The following PCDHGA7 variants were observed in gnomAD, a reference collection of about 807,000 sequenced individuals.
PCDHGA7 encodes protocadherin gamma subfamily A, 7.
A neutral mutation model predicts 58.3 loss-of-function variants in PCDHGA7; 44 were observed. The observed-to-expected ratio is 0.75, with a 90% CI of 0.59 to 0.97. PCDHGA7 has a LOEUF of 0.97. Among genes scored for constraint, PCDHGA7 ranks in the 50% least tolerant of loss-of-function variants. The pLI is 0.00. For missense variants in PCDHGA7, 1,266 were observed against 1,188.7 expected (o/e 1.06, Z -0.96); for synonymous variants, 516 against 504.2 (o/e 1.02, Z -0.31).
At position 141,405,363 on chromosome 5, in the gene PCDHGA7, C is replaced by T. The variant is rs765508317; in HGVS notation, c.2424+20040C>T. The T allele has an allele frequency of 2.0e-5, 33 of 1,613,690 alleles. No individual in the cohort carries two copies. The highest frequency in any genetic ancestry group is 2.7e-5 in the African/African-American group (2 of 74,888). On this transcript the variant is annotated intron_variant, in intron 1 of 3. Coordinates refer to ENST00000518325, the MANE Select transcript of PCDHGA7 (RefSeq NM_018920.4). ...GATTCCAAGTTTCCTATAGAAGACACCCCTTTGGTTCCGGTGAGTTCATTT... is the reference window on the plus strand; with the variant it reads ...GATTCCAAGTTTCCTATAGAAGACATCCCTTTGGTTCCGGTGAGTTCATTT...
chr5:141,384,091 A>G lies in PCDHGA7; in HGVS notation c.1192A>G (p.Ile398Val). Residue 398 changes from isoleucine (I) to valine (V), a missense_variant, in exon 1 of 4, where the codon ATA (isoleucine) becomes GTA (valine). Coordinates refer to ENST00000518325, the MANE Select transcript of PCDHGA7 (RefSeq NM_018920.4). ...CCTACCTTTTAAATTAGAAAAATCA[A>G]TAGATAATTATTATAGATTGGTCAC... is the stretch of plus-strand genomic sequence containing the variant. ...ENLPFKLEKS[I>V]DNYYRLVTTK... 3.1e-6 allele frequency: 5 copies of G among 1,595,856 alleles called. No homozygotes were observed. The highest frequency in any genetic ancestry group is 1.1e-5 in the South Asian group (1 of 89,146).
At chr5:141,495,841 G>A (rs1187067340) in intron 2 of PCDHGA7, among the ~76,000 whole-genome samples, 1 of 151,864 alleles carries the variant, frequency 6.6e-6, no homozygotes, top group Non-Finnish European at 1.5e-5. Context: ...CAGCCTCTAT[G>A]TTTCTCTGTC....
chr5:141,421,750 C>A lies in PCDHGA7; in HGVS notation c.2424+36427C>A, dbSNP rs766529731. On this transcript the variant is annotated intron_variant, in intron 1 of 3. Coordinates refer to ENST00000518325, the MANE Select transcript of PCDHGA7 (RefSeq NM_018920.4). ...CTCCCTCCAGAGCTACCAGCTCAGC[C>A]CTAATAATTACTTTTCCTTGCAACT... 4.3e-6 allele frequency: 7 copies of A among 1,613,788 alleles called. No individual in the cohort carries two copies. Among genetic ancestry groups the A allele is most frequent in the Non-Finnish European group, 5.9e-6 (7 of 1,179,864 alleles).
chr5:141,488,196 TA>T, intron 1 of PCDHGA7, among the ~76,000 whole-genome samples: 1 of 152,186 alleles, frequency 6.6e-6, no homozygotes, highest in Non-Finnish European at 1.5e-5. Context: ...GTCTGGGTCT[TA>T]GGACTCATAT....
chr5:141,489,943 A>G lies in PCDHGA7; in HGVS notation c.2425-4864A>G. ...CCTTATCTCTGTCATCGTGCTGGAC[A>G]TCAATGATAATGCTCCAACCTTCCA... On this transcript the variant is annotated intron_variant, in intron 1 of 3. Transcript: ENST00000518325. The surrounding 1 kb of genome is among the most constrained non-coding windows in gnomAD (Gnocchi z 4.5). 5.6e-6 allele frequency: 9 copies of G among 1,614,190 alleles called. No homozygotes were observed. Among genetic ancestry groups the G allele is most frequent in the Non-Finnish European group, 7.6e-6 (9 of 1,180,016 alleles).
At chr5:141,415,177 G>A (rs758980730) in intron 1 of PCDHGA7, 26 of 1,613,808 alleles carry the variant, frequency 1.6e-5, no homozygotes, top group East Asian at 4.5e-5. Flanking sequence ...CACCGTGGCC[G>A]TGGCCGACAG....
At chr5:141,415,740 G>GTTTTTGTTTTTTTTTT (rs2095911468) in intron 1 of PCDHGA7, 1 of 515,998 alleles carries the variant, frequency 1.9e-6, no homozygotes, top group Non-Finnish European at 2.6e-6. Context: ...GTTTATTAAG[G>GTTTTTGTTTTTTTTTT]TTTTTTTTTT....
intron 2 of PCDHGA7, among the ~76,000 whole-genome samples, chr5:141,499,314 A>C (rs2099791047): frequency 6.6e-6 from 1 of 152,238 alleles, no homozygotes; most frequent in Non-Finnish European, 1.5e-5. Context: ...TCTGAGAGAC[A>C]GTATCCCTGC....
chr5:141,407,949 C>T, intron 1 of PCDHGA7: 1 of 575,256 alleles, frequency 1.7e-6, no homozygotes, highest in Non-Finnish European at 2.8e-6. Context: ...CCGCTGTCGG[C>T]CAGTGCAGAG....
chr5:141,409,566 C>G (rs750850161), intron 1 of PCDHGA7: 1 of 1,613,978 alleles, frequency 6.2e-7, no homozygotes, highest in South Asian at 1.1e-5. Flanking sequence ...TTCGACCAGA[C>G]GTCCTACGTG....
rs571588941 is a variant in PCDHGA7, at chr5:141,428,181, A to T, written c.2424+42858A>T. The T allele has an allele frequency of 1.2e-4, 181 of 1,486,230 alleles. 2 individuals carry two copies. In the South Asian group the frequency reaches 2.0e-3, roughly 16 times the overall value. The allele number at this position is 1,486,230 out of a possible 1,614,324, so 92.1% of individuals were successfully genotyped here. A position where few individuals can be genotyped will look rare whatever the true frequency, so the allele number is the denominator to read the frequency against. ...CTGGTTGCTGTGCGTGACGGAGGAC[A>T]GCCGCCGCTCTCTGCGCCGCTACGC... On this transcript the variant is annotated intron_variant, in intron 1 of 3. Coordinates refer to ENST00000518325, the MANE Select transcript of PCDHGA7 (RefSeq NM_018920.4).
Position 141,394,531 on chromosome 5 carries a change from C to T in PCDHGA7, c.2424+9208C>T, listed in dbSNP as rs1188248060. ...CCCGCCCTCCCCACAGACGGTTCCA[C>T]TGGCGTGGAGCTGGCGCCCCGCTCC... On this transcript the variant is annotated intron_variant, in intron 1 of 3. Transcript: ENST00000518325. 3 of 1,614,224 alleles carry T rather than the reference C, an allele frequency of 1.9e-6. No homozygotes were observed. In the South Asian group the frequency reaches 3.3e-5, roughly 18 times the overall value.
intron 1 of PCDHGA7, among the ~76,000 whole-genome samples, chr5:141,407,816 ATAT>A (rs1270765996): frequency 6.6e-6 from 1 of 152,228 alleles, no homozygotes; most frequent in Non-Finnish European, 1.5e-5. Context: ...ATCTACTATA[ATAT>A]TATGGTGAGA....
chr5:141,393,055 G>A (rs1225924697), intron 1 of PCDHGA7: 1 of 1,613,678 alleles, frequency 6.2e-7, no homozygotes, highest in South Asian at 1.1e-5. Flanking sequence ...AACCCGCGCA[G>A]CGGCAGCTTG....
intron 1 of PCDHGA7, among the ~76,000 whole-genome samples, chr5:141,454,796 ATTTTTTTTT>A (rs61612330): frequency 1.2e-4 from 9 of 77,408 alleles, no homozygotes; most frequent in Admixed American, 5.4e-4. Context: ...CATGGTTCTA[ATTTTTTTTT>A]TTTTTTTTTT....
intron 1 of PCDHGA7, among the ~76,000 whole-genome samples, chr5:141,481,692 G>T (rs1231630072): frequency 6.6e-6 from 1 of 152,020 alleles, no homozygotes; most frequent in African/African-American, 2.4e-5. Context: ...GGTGGCTCAC[G>T]CCTGTAATCC....
At chr5:141,386,997 C>T (rs1001565782) in intron 1 of PCDHGA7, among the ~76,000 whole-genome samples, 2 of 152,070 alleles carry the variant, frequency 1.3e-5, no homozygotes, top group African/African-American at 4.8e-5. Context: ...ATGTATTATC[C>T]CCCTGATAAC....
Position 141,491,733 on chromosome 5 carries a change from TG to T in PCDHGA7, c.2425-3069del. 6.2e-7 allele frequency: 1 copy of T among 1,602,698 alleles called. No individual in the cohort carries two copies. Among genetic ancestry groups the T allele is most frequent in the Non-Finnish European group, 8.5e-7 (1 of 1,175,258 alleles). On this transcript the variant is annotated intron_variant, in intron 1 of 3. Coordinates refer to ENST00000518325, the MANE Select transcript of PCDHGA7 (RefSeq NM_018920.4). This position sits in a 1 kb window ranked among gnomAD's most constrained non-coding sequence, Gnocchi z 6.9. ...GCTCGGCGCCGCCCCGGGCGACCCC[TG>T]GGGGCGGCACTGGAGAAGCCGCCCG...
intron 3 of PCDHGA7, among the ~76,000 whole-genome samples, chr5:141,510,054 G>A (rs1166696269): frequency 1.3e-5 from 2 of 152,180 alleles, no homozygotes; most frequent in Non-Finnish European, 2.9e-5. Context: ...AAAAGTGATT[G>A]TGCATGTGAA....
Sources: allele counts gnomAD v4.1 joint callset (sites outside exome capture counted in the v4.1 genomes callset), GRCh38; gene constraint gnomAD v4.1.1; non-coding constraint Gnocchi (gnomAD v3.1); transcripts MANE v1.5; gene names NCBI Gene and HGNC (gene_info 2026-07-23, HGNC 2026-07-21).